The following GULP1 variants were observed in gnomAD, a reference collection of about 807,000 sequenced individuals.
GULP1 encodes PTB domain-containing engulfment adapter protein 1.
A neutral mutation model predicts 40.9 loss-of-function variants in GULP1; 19 were observed. That is an observed-to-expected ratio of 0.46 (90% CI 0.32 to 0.68). The LOEUF (loss-of-function observed/expected upper bound fraction) is 0.68. Among genes scored for constraint, GULP1 ranks in the 30% least tolerant of loss-of-function variants. The pLI, the probability that GULP1 is intolerant of heterozygous loss-of-function variation, is 0.03. For synonymous variants in GULP1, 119 were observed against 117.6 expected (o/e 1.01, Z -0.08); for missense variants, 312 against 362.2 (o/e 0.86, Z 1.12).
intron 4 of GULP1, among the ~76,000 whole-genome samples, chr2:188,493,764 GT>G (rs764065211): frequency 4.6e-5 from 7 of 152,010 alleles, no homozygotes; most frequent in Non-Finnish European, 1.0e-4. Context: ...GAATACATTG[GT>G]TTACATAAAA....
chr2:188,339,963 A>G (rs1441992359), intron 1 of GULP1, among the ~76,000 whole-genome samples: 2 of 152,182 alleles, frequency 1.3e-5, no homozygotes, highest in Non-Finnish European at 2.9e-5. Flanking sequence ...TCACTTGTTG[A>G]GTATTAATTA....
chr2:188,412,241 G>T (rs539592347), intron 2 of GULP1, among the ~76,000 whole-genome samples: 1 of 152,208 alleles, frequency 6.6e-6, no homozygotes, highest in South Asian at 2.1e-4. Context: ...AAAACCATCA[G>T]ATCTCGTGAG....
intron 1 of GULP1, among the ~76,000 whole-genome samples, chr2:188,319,195 T>A (rs2039590728): frequency 6.6e-6 from 1 of 152,180 alleles, no homozygotes; most frequent in Admixed American, 6.6e-5. Flanking sequence ...TGCATCTTGC[T>A]TTTGGGAAAG....
chr2:188,519,643 C>G lies in GULP1; in HGVS notation c.91-3113C>G, dbSNP rs138067907. Among the ~76,000 whole-genome samples the G allele has an allele frequency of 2.4e-3, 360 of 152,306 alleles. 2 individuals carry two copies. The highest frequency in any genetic ancestry group is 8.2e-3 in the African/African-American group (341 of 41,566). On this transcript the variant is annotated intron_variant, in intron 4 of 11. Coordinates refer to ENST00000409830, the MANE Select transcript of GULP1 (RefSeq NM_016315.4). ...GTTAAATCCTCTTCAGTTACTTGAACTCTTCTTCCTTTCTGGATGATCTGA... is the reference window on the plus strand; with the variant it reads ...GTTAAATCCTCTTCAGTTACTTGAAGTCTTCTTCCTTTCTGGATGATCTGA...
chr2:188,441,932 C>T (rs147603456), intron 2 of GULP1, among the ~76,000 whole-genome samples: 493 of 152,160 alleles, frequency 3.2e-3, no homozygotes, highest in Non-Finnish European at 5.1e-3. Flanking sequence ...TTAGACTTTG[C>T]GTTGATGTGT....
chr2:188,349,152 G>C (rs1276177493), intron 1 of GULP1, among the ~76,000 whole-genome samples: 9 of 152,064 alleles, frequency 5.9e-5, no homozygotes, highest in Non-Finnish European at 1.3e-4. Context: ...TGCATTCATT[G>C]GTTGACAGGC....
intron 11 of GULP1, chr2:188,588,187 A>AT (rs998307412): frequency 8.2e-6 from 4 of 485,592 alleles, no homozygotes; most frequent in African/African-American, 5.9e-5. Context: ...AAGATGGTTC[A>AT]TTTTTTAAAT....
chr2:188,493,816 T>C lies in GULP1; in HGVS notation c.90+10324T>C, dbSNP rs368315286. ...AGGGCTGTCTCTAGGCCAACTTGAT[T>C]CAGGGCTCATTTGATAAACTCTCCT... On this transcript the variant is annotated intron_variant, in intron 4 of 11. Coordinates refer to ENST00000409830, the MANE Select transcript of GULP1 (RefSeq NM_016315.4). 6.6e-5 allele frequency among the ~76,000 whole-genome samples: 10 copies of C among 152,192 alleles called. No homozygotes were observed. The South Asian group carries it at 1.9e-3, about 28-fold the overall frequency.
intron 3 of GULP1, among the ~76,000 whole-genome samples, chr2:188,482,263 C>G (rs1048874539): frequency 6.6e-6 from 1 of 151,808 alleles, no homozygotes; most frequent in Non-Finnish European, 1.5e-5. Context: ...GTCATTTTCT[C>G]TATGTCTTCA....
intron 7 of GULP1, among the ~76,000 whole-genome samples, chr2:188,544,520 TA>T (rs1691393298): frequency 6.6e-6 from 1 of 151,590 alleles, no homozygotes; most frequent in Non-Finnish European, 1.5e-5. Context: ...ATAAGTACCC[TA>T]AAACTTAAAG....
chr2:188,416,637 A>G (rs1328024615), intron 2 of GULP1, among the ~76,000 whole-genome samples: 1 of 152,156 alleles, frequency 6.6e-6, no homozygotes, highest in African/African-American at 2.4e-5. Context: ...CTTGGCATGG[A>G]TCACAGCTTT....
intron 7 of GULP1, among the ~76,000 whole-genome samples, chr2:188,555,541 C>T (rs906764522): frequency 6.6e-6 from 1 of 152,122 alleles, no homozygotes; most frequent in Non-Finnish European, 1.5e-5. Context: ...AGCCCATTCT[C>T]TTCTAGTCTG....
At chr2:188,349,730 A>G (rs572668299) in intron 1 of GULP1, among the ~76,000 whole-genome samples, 4 of 152,232 alleles carry the variant, frequency 2.6e-5, no homozygotes. Context: ...GATGATGTAT[A>G]TATTTTATTT....
At chr2:188,339,725 C>A (rs773933175) in intron 1 of GULP1, among the ~76,000 whole-genome samples, 1 of 152,124 alleles carries the variant, frequency 6.6e-6, no homozygotes, top group Non-Finnish European at 1.5e-5. Context: ...ACTATGTTTT[C>A]CTGTCTGCTT....
chr2:188,379,098 C>T (rs2048683381), intron 1 of GULP1, among the ~76,000 whole-genome samples: 1 of 152,072 alleles, frequency 6.6e-6, no homozygotes, highest in Admixed American at 6.5e-5. Flanking sequence ...GAGTGAATGA[C>T]TTGATAATTT....
At chr2:188,400,741 T>C (rs2052124661) in intron 2 of GULP1, among the ~76,000 whole-genome samples, 1 of 152,132 alleles carries the variant, frequency 6.6e-6, no homozygotes, top group Non-Finnish European at 1.5e-5. Flanking sequence ...GAGAAGGACA[T>C]GCTGTTGGGA....
At chr2:188,438,465 T>C (rs1442421782) in intron 2 of GULP1, among the ~76,000 whole-genome samples, 3 of 150,762 alleles carry the variant, frequency 2.0e-5, no homozygotes, top group East Asian at 1.9e-4. Flanking sequence ...TTAATAGTTA[T>C]ATAATCAGTA....
intron 7 of GULP1, among the ~76,000 whole-genome samples, chr2:188,562,681 A>G (rs1278062615): frequency 3.3e-5 from 5 of 152,264 alleles, no homozygotes; most frequent in Non-Finnish European, 7.4e-5. Context: ...ACCCAATATC[A>G]TCCACCACTT....
chr2:188,297,761 ATTG>A (rs1233815236), intron 1 of GULP1, among the ~76,000 whole-genome samples: 2 of 152,052 alleles, frequency 1.3e-5, no homozygotes, highest in Non-Finnish European at 2.9e-5. Flanking sequence ...GGTGATAACT[ATTG>A]TTCTCATTTG....
Sources: allele counts gnomAD v4.1 joint callset (sites outside exome capture counted in the v4.1 genomes callset), GRCh38; gene constraint gnomAD v4.1.1; transcripts MANE v1.5; gene names NCBI Gene and HGNC (gene_info 2026-07-23, HGNC 2026-07-21).